The following SAP30BP variants were observed in gnomAD, a reference collection of about 807,000 sequenced individuals.
SAP30BP encodes SAP30-binding protein.
Under a neutral mutation model 46.3 loss-of-function variants are expected in SAP30BP, and 31 were observed. That is an observed-to-expected ratio of 0.67 (90% CI 0.50 to 0.90). SAP30BP has a LOEUF of 0.90. Ranked by LOEUF, SAP30BP falls within the 40% of genes least tolerant of loss-of-function variation. The pLI, the probability that SAP30BP is intolerant of heterozygous loss-of-function variation, is 0.00. For synonymous variants in SAP30BP, 169 were observed against 144.2 expected, an observed-to-expected ratio of 1.17 and a Z score of -1.23; for missense variants, 312 against 391.0, an observed-to-expected ratio of 0.80 and a Z score of 1.70.
At chr17:75,679,094 C>T (rs1190213544) in intron 3 of SAP30BP, among the ~76,000 whole-genome samples, 1 of 151,342 alleles carries the variant, frequency 6.6e-6, no homozygotes, top group Non-Finnish European at 1.5e-5. Flanking sequence ...CCCAGGTTCA[C>T]GCCATTCTCC....
At chr17:75,700,721 C>G (rs1225464928) in intron 5 of SAP30BP, among the ~76,000 whole-genome samples, 1 of 152,178 alleles carries the variant, frequency 6.6e-6, no homozygotes, top group Non-Finnish European at 1.5e-5. Flanking sequence ...GTCGTCTCCC[C>G]ACCACCGCCC....
intron 3 of SAP30BP, among the ~76,000 whole-genome samples, chr17:75,686,836 G>A (rs2060164666): frequency 6.6e-6 from 1 of 152,188 alleles, no homozygotes; most frequent in Admixed American, 6.5e-5. Context: ...GGGTTTGGAG[G>A]CTTTGCTGAG....
intron 4 of SAP30BP, among the ~76,000 whole-genome samples, chr17:75,697,379 C>T (rs967071910): frequency 2.0e-5 from 3 of 152,208 alleles, no homozygotes; most frequent in Non-Finnish European, 4.4e-5. Context: ...TTGGCACTTT[C>T]ACCTATTCCA....
intron 3 of SAP30BP, among the ~76,000 whole-genome samples, chr17:75,675,441 G>A (rs1340151343): frequency 6.6e-6 from 1 of 152,066 alleles, no homozygotes; most frequent in East Asian, 1.9e-4. Context: ...GAGCCACCTC[G>A]CCCGGCCTCT....
chr17:75,679,263 T>A (rs1358421995), intron 3 of SAP30BP, among the ~76,000 whole-genome samples: 3 of 152,166 alleles, frequency 2.0e-5, no homozygotes, highest in Admixed American at 1.3e-4. Context: ...CCCAAAGTGC[T>A]GGGATTACAG....
chr17:75,694,408 G>A (rs191417501), intron 4 of SAP30BP, among the ~76,000 whole-genome samples: 5 of 152,328 alleles, frequency 3.3e-5, no homozygotes, highest in Admixed American at 2.0e-4. Context: ...AGAAGGATTG[G>A]GTGGGAACAC....
chr17:75,695,576 C>A (rs556313691), intron 4 of SAP30BP, among the ~76,000 whole-genome samples: 1 of 152,268 alleles, frequency 6.6e-6, no homozygotes, highest in African/African-American at 2.4e-5. Flanking sequence ...TCCTCATTGA[C>A]GAGTAGCTAG....
At chr17:75,703,133 C>T (rs1451482720) in intron 6 of SAP30BP, 178 bp from the exon 7 acceptor site, 1 of 611,312 alleles carries the variant, frequency 1.6e-6, no homozygotes, top group Non-Finnish European at 2.9e-6. Context: ...CCTCCCGGCC[C>T]CTAGCTAACA....
rs2059806047 is a variant in SAP30BP, at chr17:75,667,416, C to T, written c.44C>T (p.Ala15Val). ...KNVLSSLAVY[A>V]EDSEPESDGE... ...GTTCTGTCGTCTCTCGCAGTTTACG[C>T]GGAAGATTCAGAGCCCGAGTCTGAT... Residue 15 changes from alanine (A) to valine (V), a missense_variant, in exon 1 of 11, where the codon GCG becomes GTG. This residue lies in a region of SAP30BP where 296 missense variants were observed against 346.6 expected (regional missense o/e 0.85). Coordinates refer to ENST00000584667, the MANE Select transcript of SAP30BP (RefSeq NM_013260.8). The T allele has an allele frequency of 6.2e-7, 1 of 1,614,050 alleles. No individual in the cohort carries two copies. The highest frequency in any genetic ancestry group is 8.5e-7 in the Non-Finnish European group (1 of 1,180,056).
chr17:75,690,782 G>A (rs1255895746), intron 3 of SAP30BP: 1 of 456,384 alleles, frequency 2.2e-6, no homozygotes, highest in Non-Finnish European at 4.4e-6. Flanking sequence ...GGTATAGCCA[G>A]CAGGAGGCAG....
intron 9 of SAP30BP, 57 bp from the exon 10 acceptor site, chr17:75,705,951 A>G: frequency 1.2e-6 from 2 of 1,604,034 alleles, no homozygotes; most frequent in Non-Finnish European, 1.7e-6. Context: ...ACGGATGGCA[A>G]AAAGCTGTGG....
chr17:75,693,826 C>T (rs1046025741), intron 4 of SAP30BP, among the ~76,000 whole-genome samples: 27 of 152,164 alleles, frequency 1.8e-4, no homozygotes, highest in African/African-American at 5.6e-4. Flanking sequence ...CCTCCTCCCC[C>T]TCTCCGCTGG....
intron 1 of SAP30BP, 50 bp from the exon 2 acceptor site, chr17:75,668,466 G>GTTT: frequency 9.2e-7 from 1 of 1,081,300 alleles, no homozygotes; most frequent in Non-Finnish European, 1.3e-6. Flanking sequence ...TGTAACTCTT[G>GTTT]TTTTTTTTTT....
chr17:75,686,707 C>T (rs1474512299), intron 3 of SAP30BP, among the ~76,000 whole-genome samples: 1 of 152,132 alleles, frequency 6.6e-6, no homozygotes, highest in African/African-American at 2.4e-5. Flanking sequence ...GGCAGTGGCT[C>T]AGTCCTGGCC....
chr17:75,701,321 T>C (rs2060407579), intron 5 of SAP30BP, among the ~76,000 whole-genome samples: 1 of 152,166 alleles, frequency 6.6e-6, no homozygotes, highest in African/African-American at 2.4e-5. Context: ...CCGCCTTCCT[T>C]GCTAAGACTG....
chr17:75,703,260 C>T (rs566081340), intron 6 of SAP30BP, 51 bp from the exon 7 acceptor site: 5 of 1,569,334 alleles, frequency 3.2e-6, no homozygotes, highest in African/African-American at 2.7e-5. Flanking sequence ...GTTCAGGTCC[C>T]ATGCAGGGAC....
chr17:75,686,239 C>T (rs114793841), intron 3 of SAP30BP, among the ~76,000 whole-genome samples: 1,794 of 152,280 alleles, frequency 0.012, 31 homozygotes, highest in African/African-American at 0.041. Flanking sequence ...TGGTTGGGGC[C>T]GGGCGCAGTG....
chr17:75,674,690 GTTTTTTGTTT>G (rs2059958926), intron 3 of SAP30BP, among the ~76,000 whole-genome samples: 3 of 39,596 alleles, frequency 7.6e-5, no homozygotes, highest in East Asian at 1.7e-3. Flanking sequence ...TTTTTTGTTT[GTTTTTTGTTT>G]TTTTTTTTTT....
rs773536241 is a variant in SAP30BP, at chr17:75,668,567, G to A, written c.158G>A (p.Arg53His). ...GCCTATGGGGAGGATGACTTTTCTC[G>A]TCTAGGGGGTGATGAAGATGGTTAT... ...SDAYGEDDFS[R>H]LGGDEDGYEE... is the part of the protein sequence containing the mutation. The change falls in exon 2 of 11, where the codon CGT becomes CAT. Residue 53 changes from arginine (R) to histidine (H), a missense_variant. Transcript: ENST00000584667. 2.5e-6 allele frequency: 4 copies of A among 1,605,940 alleles called. No individual in the cohort carries two copies. The highest frequency in any genetic ancestry group is 1.7e-4 in the Middle Eastern group (1 of 6,048).
Sources: gnomAD v4.1 joint callset for allele counts (sites outside exome capture counted in the v4.1 genomes callset) on GRCh38, gnomAD v4.1.1 for gene constraint, gnomAD v4.1.1 regional missense constraint, MANE v1.5 for transcripts, NCBI Gene and HGNC (gene_info 2026-07-23, HGNC 2026-07-21) for gene names.